The following INPP4B variants were observed in gnomAD, a reference collection of about 807,000 sequenced individuals.
INPP4B encodes the protein inositol polyphosphate 4-phosphatase type II.
In INPP4B, 55 loss-of-function variants were observed where a neutral mutation model predicts 122.5. The ratio of observed to expected loss-of-function variants is 0.45; its 90% confidence interval spans 0.36 to 0.56. INPP4B has a LOEUF of 0.56. INPP4B is among the 20% of genes least tolerant of loss of function. INPP4B has a pLI of 0.00. For missense variants in INPP4B, 1,000 were observed against 1,097.7 expected, an observed-to-expected ratio of 0.91 and a Z score of 1.26; for synonymous variants, 403 against 388.7, an observed-to-expected ratio of 1.04 and a Z score of -0.43.
chr4:142,591,080 C>T (rs562984922), intron 2 of INPP4B, among the ~76,000 whole-genome samples: 5 of 152,000 alleles, frequency 3.3e-5, no homozygotes, highest in South Asian at 2.1e-4. Context: ...TTTGAGAGGC[C>T]GAGGCGGGCA....
At position 142,028,287 on chromosome 4, in the gene INPP4B, C is replaced by CTAA. The variant is rs1553951516; in HGVS notation, c.*492_*494dup. ...ATTCCAGATCATGAGTTAACTCTAC[C>CTAA]TAATTGAGTGGCTACACATTTTTTT... On this transcript the variant is annotated 3_prime_UTR_variant, in exon 26 of 26. Coordinates refer to ENST00000262992, the MANE Select transcript of INPP4B (RefSeq NM_001101669.3). 8.8e-6 allele frequency: 2 copies of CTAA among 227,240 alleles called. No homozygotes were observed. Among genetic ancestry groups the CTAA allele is most frequent in the African/African-American group, 2.2e-5 (1 of 45,068 alleles). 14.1% of individuals were successfully genotyped at this position (227,240 alleles called of 1,614,324 possible).
At chr4:142,467,623 T>C (rs1818040343) in intron 2 of INPP4B, among the ~76,000 whole-genome samples, 2 of 152,272 alleles carry the variant, frequency 1.3e-5, no homozygotes, top group Middle Eastern at 6.8e-3. Context: ...ACTTGGGACT[T>C]CTGAATTAAT....
chr4:142,240,999 TA>T (rs953556070), intron 11 of INPP4B, among the ~76,000 whole-genome samples: 11 of 151,338 alleles, frequency 7.3e-5, no homozygotes, highest in African/African-American at 1.2e-4. Context: ...TTGTCAACTT[TA>T]AAAAAAAAGA....
chr4:142,657,160 T>A (rs184071363), intron 2 of INPP4B, among the ~76,000 whole-genome samples: 3 of 152,260 alleles, frequency 2.0e-5, no homozygotes, highest in Admixed American at 2.0e-4. Context: ...AGAGCTCTAA[T>A]TAATTTGGCC....
intron 3 of INPP4B, among the ~76,000 whole-genome samples, chr4:142,438,941 C>T (rs887933755): frequency 6.6e-6 from 1 of 152,170 alleles, no homozygotes; most frequent in African/African-American, 2.4e-5. Context: ...TTATAAATTT[C>T]TTGTGAATAA....
At chr4:142,482,702 A>T (rs1026904507) in intron 2 of INPP4B, among the ~76,000 whole-genome samples, 2 of 152,136 alleles carry the variant, frequency 1.3e-5, no homozygotes, top group African/African-American at 2.4e-5. Context: ...GGAGTAAGTC[A>T]TACGCCAATG....
intron 1 of INPP4B, among the ~76,000 whole-genome samples, chr4:142,809,156 G>A (rs949211941): frequency 2.0e-5 from 3 of 151,874 alleles, no homozygotes. Context: ...AAGCATGAGG[G>A]AAAATGGTCA....
rs1451831325 is a variant in INPP4B at position 142,082,161 on chromosome 4, G to A, written c.2512C>T (p.Arg838Cys). 1 of 1,525,276 alleles carries A rather than the reference G, an allele frequency of 6.6e-7. No homozygotes were observed. The highest frequency in any genetic ancestry group is 1.3e-5 in the South Asian group (1 of 79,108). 94.5% of individuals were successfully genotyped at this position (1,525,276 alleles called of 1,614,324 possible). ...ATICRKLNGI[R>C]FTCCKSAKDR... ...TTGGCACTTTTACAACAGGTGAAAC[G>A]AATACCATTCAGTTTGCGGCAAATC... Residue 838 changes from arginine to cysteine, a missense_variant, in exon 25 of 26, where the codon CGT becomes TGT. Transcript: ENST00000262992.
chr4:142,597,986 G>A (rs906976843), intron 2 of INPP4B, among the ~76,000 whole-genome samples: 6 of 152,122 alleles, frequency 3.9e-5, no homozygotes, highest in African/African-American at 1.4e-4. Flanking sequence ...AGCAATTCTA[G>A]TTCAAGATGG....
intron 3 of INPP4B, among the ~76,000 whole-genome samples, chr4:142,449,818 G>C (rs1813758019): frequency 6.6e-6 from 1 of 152,112 alleles, no homozygotes; most frequent in Non-Finnish European, 1.5e-5. Context: ...AATCAAAAGA[G>C]ATGAATAGGG....
chr4:142,170,367 A>G (rs336388), intron 16 of INPP4B, among the ~76,000 whole-genome samples: 127,567 of 151,564 alleles, frequency 0.84, 54,092 homozygotes, highest in Non-Finnish European at 0.89. Flanking sequence ...AACATTAAAA[A>G]TATTGATTTT....
chr4:142,527,318 G>T (rs1169037811), intron 2 of INPP4B, among the ~76,000 whole-genome samples: 1 of 151,552 alleles, frequency 6.6e-6, no homozygotes, highest in Non-Finnish European at 1.5e-5. Flanking sequence ...CCTTTTTATA[G>T]AATTTATACA....
rs774590350 is a variant in INPP4B, at chr4:142,405,296, A to G, written c.165T>C (p.Arg55=). 1.2e-6 allele frequency: 2 copies of G among 1,613,000 alleles called. No homozygotes were observed. The highest frequency in any genetic ancestry group is 1.7e-4 in the Middle Eastern group (1 of 6,056). ...LACKDLVAPV[R]DRKLNTLVQI... ...GCACCAGTGTATTCAGTTTACGATC[A>G]CGGACAGGAGCCACGAGATCCTTGC... The change falls in exon 6 of 26, where the codon CGT becomes CGC. Residue 55 remains arginine, a synonymous_variant. Transcript: ENST00000262992.
intron 2 of INPP4B, among the ~76,000 whole-genome samples, chr4:142,518,511 A>G (rs964816414): frequency 9.2e-5 from 14 of 152,090 alleles, no homozygotes; most frequent in African/African-American, 2.9e-4. Flanking sequence ...GTGGTAGCCA[A>G]TCTCTAAGGT....
intron 2 of INPP4B, among the ~76,000 whole-genome samples, chr4:142,723,010 A>C (rs1822361): frequency 1.3e-5 from 2 of 151,614 alleles, no homozygotes; most frequent in Non-Finnish European, 2.9e-5. Context: ...AACATGTATC[A>C]CATCTGTATC....
intron 23 of INPP4B, among the ~76,000 whole-genome samples, chr4:142,094,944 T>C (rs1332488582): frequency 5.9e-5 from 9 of 152,176 alleles, no homozygotes; most frequent in Non-Finnish European, 1.5e-5. Context: ...AAAGAGGTAA[T>C]AAGAATATGA....
chr4:142,373,395 G>A (rs1487521986), intron 7 of INPP4B, among the ~76,000 whole-genome samples: 1 of 151,912 alleles, frequency 6.6e-6, no homozygotes, highest in Non-Finnish European at 1.5e-5. Flanking sequence ...AACACTCCTT[G>A]CAAAATATAA....
chr4:142,363,704 T>C (rs992861561), intron 7 of INPP4B, among the ~76,000 whole-genome samples: 4 of 152,096 alleles, frequency 2.6e-5, no homozygotes, highest in African/African-American at 7.2e-5. Flanking sequence ...TCTCCTCTTA[T>C]AGCAGGTAAA....
At chr4:142,112,479 C>A (rs560373698) in intron 22 of INPP4B, 63 bp downstream of exon 22, 50 of 1,551,710 alleles carry the variant, frequency 3.2e-5, no homozygotes, top group Non-Finnish European at 4.1e-5. Context: ...CATGGGACTT[C>A]TCATCATATG....
Sources: gnomAD v4.1 joint callset for allele counts (sites outside exome capture counted in the v4.1 genomes callset) on GRCh38, gnomAD v4.1.1 for gene constraint, MANE v1.5 for transcripts, NCBI Gene and HGNC (gene_info 2026-07-23, HGNC 2026-07-21) for gene names.